Variants in ADAMTS18 observed in about 807,000 individuals in gnomAD.
The protein encoded by ADAMTS18 is ADAM metallopeptidase with thrombospondin type 1 motif 18, also known as A disintegrin and metalloproteinase with thrombospondin motifs 18.
ADAMTS18 carries 157 observed loss-of-function variants against 165.9 expected under a neutral mutation model. That is an observed-to-expected ratio of 0.95 (90% CI 0.83 to 1.08). The LOEUF (loss-of-function observed/expected upper bound fraction) is 1.08, where lower values mean the gene tolerates loss of function less well. Among genes scored for constraint, ADAMTS18 ranks in the 50% least tolerant of loss-of-function variants. The probability of loss-of-function intolerance (pLI) is 0.00; values close to 1 mark genes in which losing one functional copy is unlikely to be tolerated. For missense variants in ADAMTS18, 2,040 were observed against 1,534.0 expected (o/e 1.33, Z -5.51); for synonymous variants, 782 against 578.2 (o/e 1.35, Z -5.06).
rs1042622002 is a variant in ADAMTS18, at chr16:77,282,469, G to A, written c.*1487C>T. The A allele has an allele frequency of 6.6e-6, 1 of 152,420 alleles. No individual in the cohort carries two copies. Among genetic ancestry groups the A allele is most frequent in the Non-Finnish European group, 1.5e-5 (1 of 68,016 alleles). 9.4% of individuals were successfully genotyped at this position (152,420 alleles called of 1,614,324 possible). The stretch of plus-strand genomic sequence containing the variant: ...AAGTTCCTAAGCATTATTTCTCTGG[G>A]ATTCAAGAACTCATGACTTTAATTA... On this transcript the variant is annotated 3_prime_UTR_variant, in exon 23 of 23. Transcript: ENST00000282849.
intron 3 of ADAMTS18, among the ~76,000 whole-genome samples, chr16:77,417,274 A>G (rs972372491): frequency 1.1e-4 from 16 of 152,070 alleles, no homozygotes; most frequent in Admixed American, 5.9e-4. Context: ...GGGTGGGTGG[A>G]TAGCTGGGTG....
At chr16:77,355,795 C>A (rs541171925) in intron 9 of ADAMTS18, 145 bp downstream of exon 9, 14 of 1,003,096 alleles carry the variant, frequency 1.4e-5, no homozygotes, top group Admixed American at 7.2e-5. Flanking sequence ...GTCATCATCA[C>A]CATCATCATT....
chr16:77,302,438 A>G (rs1013537916), intron 16 of ADAMTS18, among the ~76,000 whole-genome samples: 2 of 152,314 alleles, frequency 1.3e-5, no homozygotes, highest in East Asian at 1.9e-4. Flanking sequence ...AGTGCAATGC[A>G]TAAGAGTTAC....
At chr16:77,400,694 C>G (rs1010060347) in intron 3 of ADAMTS18, among the ~76,000 whole-genome samples, 7 of 151,434 alleles carry the variant, frequency 4.6e-5, no homozygotes, top group Non-Finnish European at 8.8e-5. Context: ...TGGTCTCGAT[C>G]TCCTGACCTC....
At chr16:77,411,828 A>G (rs1009610807) in intron 3 of ADAMTS18, among the ~76,000 whole-genome samples, 2 of 151,694 alleles carry the variant, frequency 1.3e-5, no homozygotes, top group Admixed American at 6.6e-5. Flanking sequence ...CTGGGATTAT[A>G]GGTGCCCACC....
chr16:77,309,395 T>C (rs1019207833), intron 16 of ADAMTS18, among the ~76,000 whole-genome samples: 10 of 152,212 alleles, frequency 6.6e-5, no homozygotes, highest in African/African-American at 2.2e-4. Context: ...TTGATTACCC[T>C]GAGGTATATC....
chr16:77,284,442 T>C (rs1296547045), intron 22 of ADAMTS18, among the ~76,000 whole-genome samples: 1 of 152,098 alleles, frequency 6.6e-6, no homozygotes, highest in East Asian at 1.9e-4. Context: ...GTGATTTGCA[T>C]ATTATGATTT....
chr16:77,370,030 T>C (rs2056854066), intron 3 of ADAMTS18, among the ~76,000 whole-genome samples: 1 of 152,110 alleles, frequency 6.6e-6, no homozygotes, highest in South Asian at 2.1e-4. Context: ...AAATTTAACA[T>C]CTCTTCATGA....
chr16:77,332,674 T>C (rs1480439315), intron 12 of ADAMTS18, among the ~76,000 whole-genome samples: 2 of 152,284 alleles, frequency 1.3e-5, no homozygotes, highest in South Asian at 2.1e-4. Context: ...ACATGTTTCA[T>C]GTGGGAGTTA....
Position 77,335,913 on chromosome 16 carries a change from A to G in ADAMTS18, c.1711-9T>C, listed in dbSNP as rs756810753. On this transcript the variant is annotated splice_polypyrimidine_tract_variant and intron_variant, in intron 11 of 22. Coordinates refer to ENST00000282849, the MANE Select transcript of ADAMTS18 (RefSeq NM_199355.4). ...TGGCCTTGCCGACACCACTGTGAAA[A>G]GAACGTGTAAGATGGTTCCCGTCAG... is the stretch of plus-strand genomic sequence containing the variant. 6.2e-7 allele frequency: 1 copy of G among 1,614,192 alleles called. No homozygotes were observed. Among genetic ancestry groups the G allele is most frequent in the African/African-American group, 1.3e-5 (1 of 75,062 alleles).
At chr16:77,340,972 A>T (rs962129586) in intron 11 of ADAMTS18, among the ~76,000 whole-genome samples, 1 of 152,146 alleles carries the variant, frequency 6.6e-6, no homozygotes, top group African/African-American at 2.4e-5. Flanking sequence ...ACATCTCATT[A>T]TCTCTTGTCA....
intron 22 of ADAMTS18, among the ~76,000 whole-genome samples, chr16:77,285,023 C>A (rs778851185): frequency 6.6e-6 from 1 of 152,160 alleles, no homozygotes; most frequent in African/African-American, 2.4e-5. Flanking sequence ...CCAGTCCTTT[C>A]TAATTTCTTT....
chr16:77,428,577 G>C (rs753488867), intron 3 of ADAMTS18, among the ~76,000 whole-genome samples: 1 of 152,110 alleles, frequency 6.6e-6, no homozygotes, highest in South Asian at 2.1e-4. Flanking sequence ...CTGGTGATGA[G>C]AGTTTAAATT....
intron 16 of ADAMTS18, among the ~76,000 whole-genome samples, chr16:77,303,961 C>T (rs773954132): frequency 6.6e-5 from 10 of 151,970 alleles, no homozygotes; most frequent in African/African-American, 9.7e-5. Context: ...ACTCAGGAGG[C>T]GGAGCTTGCA....
chr16:77,302,107 A>C (rs1209787687), intron 16 of ADAMTS18, among the ~76,000 whole-genome samples: 2 of 151,034 alleles, frequency 1.3e-5, no homozygotes, highest in African/African-American at 4.9e-5. Context: ...TTGAATAAAT[A>C]CTATGCTTTC....
chr16:77,367,606 T>C lies in ADAMTS18; in HGVS notation c.613A>G (p.Arg205Gly). ...AGHHPHVLYKRTAEEKIQRYR... is the reference protein window; with the variant it reads ...AGHHPHVLYKGTAEEKIQRYR... ...CGCTGGATCTTCTCCTCTGCTGTCC[T>C]TTTGTACAGTACGTGAGGATGGTGA... The change falls in exon 4 of 23, where the codon AGG (arginine) becomes GGG (glycine). Residue 205 changes from arginine (R) to glycine (G), a missense_variant. Physicochemically the swap from Arg to Gly is moderately radical, Grantham distance 125 (BLOSUM62 -2). Coordinates refer to ENST00000282849, the MANE Select transcript of ADAMTS18 (RefSeq NM_199355.4). 6.2e-7 allele frequency: 1 copy of C among 1,614,198 alleles called. No individual in the cohort carries two copies. Among genetic ancestry groups the C allele is most frequent in the Non-Finnish European group, 8.5e-7 (1 of 1,180,030 alleles).
At chr16:77,373,690 C>T (rs924726372) in intron 3 of ADAMTS18, among the ~76,000 whole-genome samples, 2 of 152,036 alleles carry the variant, frequency 1.3e-5, no homozygotes, top group Non-Finnish European at 2.9e-5. Flanking sequence ...AACCAAACAC[C>T]ATCTGTCCCC....
At chr16:77,358,755 C>T (rs886113002) in intron 8 of ADAMTS18, among the ~76,000 whole-genome samples, 1 of 152,122 alleles carries the variant, frequency 6.6e-6, no homozygotes, top group East Asian at 1.9e-4. Flanking sequence ...GAGTACTACA[C>T]ATTGAAATAA....
rs1567448722 is a variant in ADAMTS18, at chr16:77,283,967, T to C, written c.3655A>G (p.Arg1219Gly). 2 of 1,613,622 alleles carry C rather than the reference T, an allele frequency of 1.2e-6. No homozygotes were observed. Among genetic ancestry groups the C allele is most frequent in the Non-Finnish European group, 1.7e-6 (2 of 1,179,696 alleles). The change falls in exon 23 of 23, where the codon AGG becomes GGG. Residue 1219 changes from arginine to glycine, a missense_variant. Arg to Gly is a moderately radical substitution (Grantham distance 125). Transcript: ENST00000282849. The stretch of plus-strand genomic sequence containing the variant: ...GGAGGACACCAAGATCAGATCTTCC[T>C]TGTGCATGACTTGCAGCATTGTTTT... ...YGKQCCKSCTRKI is the reference protein window; with the variant it reads ...YGKQCCKSCTGKI
Sources: allele counts gnomAD v4.1 joint callset (sites outside exome capture counted in the v4.1 genomes callset), GRCh38; gene constraint gnomAD v4.1.1; transcripts MANE v1.5; gene names NCBI Gene and HGNC (gene_info 2026-07-23, HGNC 2026-07-21).